Variants in CCSER1 observed in about 807,000 individuals in gnomAD.
CCSER1 encodes coiled-coil serine rich protein 1.
In CCSER1, 41 loss-of-function variants were observed where a neutral mutation model predicts 82.0. The observed-to-expected ratio is 0.50, with a 90% confidence interval of 0.39 to 0.65. The LOEUF is 0.65. CCSER1 is among the 30% of genes least tolerant of loss of function. The probability of loss-of-function intolerance (pLI) is 0.00; values close to 1 mark genes in which losing one functional copy is unlikely to be tolerated. For missense variants in CCSER1, 1,119 were observed against 1,064.2 expected (o/e 1.05, Z -0.72); for synonymous variants, 414 against 383.9 (o/e 1.08, Z -0.92).
chr4:91,403,209 T>A (rs1752458890), intron 10 of CCSER1, among the ~76,000 whole-genome samples: 1 of 152,174 alleles, frequency 6.6e-6, no homozygotes, highest in African/African-American at 2.4e-5. Flanking sequence ...CTGTTATTGG[T>A]GTATAGGAAT....
chr4:91,507,317 C>T (rs1759551303), intron 10 of CCSER1, among the ~76,000 whole-genome samples: 1 of 152,118 alleles, frequency 6.6e-6, no homozygotes, highest in Admixed American at 6.6e-5. Context: ...TCTAGTTTAG[C>T]CATTCTAGTG....
At chr4:90,354,745 A>G (rs1311950646) in intron 3 of CCSER1, among the ~76,000 whole-genome samples, 1 of 152,126 alleles carries the variant, frequency 6.6e-6, no homozygotes, top group Non-Finnish European at 1.5e-5. Flanking sequence ...TACTACAAGA[A>G]CCAACTAGCA....
chr4:90,429,091 A>G (rs1210916193), intron 4 of CCSER1, among the ~76,000 whole-genome samples: 11 of 151,854 alleles, frequency 7.2e-5, no homozygotes, highest in Non-Finnish European at 1.5e-5. Flanking sequence ...GTTGGGGGGT[A>G]TTATATAGGA....
intron 1 of CCSER1, among the ~76,000 whole-genome samples, chr4:90,253,906 C>G (rs1722816300): frequency 6.6e-6 from 1 of 152,160 alleles, no homozygotes; most frequent in Non-Finnish European, 1.5e-5. Flanking sequence ...TCACTAATTG[C>G]TAGCTGATTG....
chr4:91,202,279 C>A, intron 10 of CCSER1, among the ~76,000 whole-genome samples: 1 of 151,846 alleles, frequency 6.6e-6, no homozygotes, highest in Non-Finnish European at 1.5e-5. Flanking sequence ...TGAGGGATTG[C>A]CCCCATTTGC....
chr4:90,898,326 A>G (rs1364211223), intron 8 of CCSER1, among the ~76,000 whole-genome samples: 2 of 110,006 alleles, frequency 1.8e-5, no homozygotes, highest in Non-Finnish European at 3.5e-5. Flanking sequence ...CTTGTCGCCC[A>G]GGCTGGAGTG....
chr4:91,095,201 G>C (rs904498367), intron 10 of CCSER1, among the ~76,000 whole-genome samples: 1 of 152,104 alleles, frequency 6.6e-6, no homozygotes, highest in Non-Finnish European at 1.5e-5. Context: ...GTAGCCCTTC[G>C]AACAGATTGA....
intron 5 of CCSER1, among the ~76,000 whole-genome samples, chr4:90,592,323 A>C (rs2148698937): frequency 6.6e-6 from 1 of 152,306 alleles, no homozygotes; most frequent in South Asian, 2.1e-4. Flanking sequence ...AAGTTGGATT[A>C]TATTACAGAC....
intron 5 of CCSER1, among the ~76,000 whole-genome samples, chr4:90,564,698 T>TTA (rs879294651): frequency 2.6e-5 from 4 of 151,852 alleles, no homozygotes; most frequent in South Asian, 2.1e-4. Context: ...TTTTTTTTTT[T>TTA]AATATGGTGT....
intron 10 of CCSER1, among the ~76,000 whole-genome samples, chr4:91,511,205 C>A (rs534172626): frequency 2.0e-5 from 3 of 152,058 alleles, no homozygotes; most frequent in African/African-American, 7.2e-5. Context: ...AGTACTAGTA[C>A]CATGCTGTTT....
chr4:91,115,522 T>C (rs1461829815), intron 10 of CCSER1, among the ~76,000 whole-genome samples: 1 of 152,088 alleles, frequency 6.6e-6, no homozygotes, highest in Non-Finnish European at 1.5e-5. Context: ...AGATGGAGTT[T>C]CACTATGTTG....
chr4:90,631,705 A>G (rs924819563), intron 6 of CCSER1, among the ~76,000 whole-genome samples: 3 of 152,200 alleles, frequency 2.0e-5, no homozygotes, highest in African/African-American at 7.2e-5. Flanking sequence ...CTAAATAAAT[A>G]TACAGGTCGA....
At chr4:91,064,620 C>T (rs1004187009) in intron 9 of CCSER1, among the ~76,000 whole-genome samples, 1 of 152,206 alleles carries the variant, frequency 6.6e-6, no homozygotes, top group Non-Finnish European at 1.5e-5. Context: ...CATAGAAATT[C>T]CAGACTCCCA....
chr4:91,213,123 T>A lies in CCSER1; in HGVS notation c.2217+127129T>A, dbSNP rs552193552. 3.3e-4 allele frequency among the ~76,000 whole-genome samples: 51 copies of A among 152,256 alleles called. No homozygotes were observed. The East Asian group carries it at 7.3e-3, about 22-fold the overall frequency. ...ACATGGCATATACGCACCACTTTTTTAAATCTAATCCACTGTTTATGGGCA... is the reference window on the plus strand; with the variant it reads ...ACATGGCATATACGCACCACTTTTTAAAATCTAATCCACTGTTTATGGGCA... On this transcript the variant is annotated intron_variant, in intron 10 of 10. Coordinates refer to ENST00000509176, the MANE Select transcript of CCSER1 (RefSeq NM_001145065.2).
At chr4:91,006,412 A>G (rs371743746) in intron 9 of CCSER1, among the ~76,000 whole-genome samples, 3 of 151,894 alleles carry the variant, frequency 2.0e-5, no homozygotes, top group East Asian at 1.9e-4. Flanking sequence ...GGATTTCTAT[A>G]TATAAAATGA....
chr4:90,275,576 C>T (rs1049893465), intron 1 of CCSER1, among the ~76,000 whole-genome samples: 2 of 152,128 alleles, frequency 1.3e-5, no homozygotes, highest in Non-Finnish European at 1.5e-5. Flanking sequence ...AACGTAGTGC[C>T]CCTTCGACAA....
At chr4:90,411,901 G>T (rs943082379) in intron 4 of CCSER1, among the ~76,000 whole-genome samples, 3 of 152,130 alleles carry the variant, frequency 2.0e-5, no homozygotes, top group African/African-American at 7.2e-5. Flanking sequence ...ATCTCCTTAA[G>T]CTGATAAGCA....
intron 5 of CCSER1, among the ~76,000 whole-genome samples, chr4:90,497,136 A>G (rs941845621): frequency 2.6e-5 from 4 of 152,140 alleles, no homozygotes; most frequent in African/African-American, 9.7e-5. Flanking sequence ...ACAAAGTTAT[A>G]TTTTATTAAA....
intron 7 of CCSER1, among the ~76,000 whole-genome samples, chr4:90,783,883 C>G (rs1754132330): frequency 6.6e-6 from 1 of 152,004 alleles, no homozygotes; most frequent in African/African-American, 2.4e-5. Flanking sequence ...GTTTTCCCTC[C>G]CCAACTTTTT....
Sources: allele counts gnomAD v4.1 joint callset (sites outside exome capture counted in the v4.1 genomes callset), GRCh38; gene constraint gnomAD v4.1.1; transcripts MANE v1.5; gene names NCBI Gene and HGNC (gene_info 2026-07-23, HGNC 2026-07-21).